Variants in DNAH3 observed in about 807,000 individuals in gnomAD.
The protein encoded by DNAH3 is dynein axonemal heavy chain 3, also known as axonemal beta dynein heavy chain 3.
In DNAH3, 332 loss-of-function variants were observed where a neutral mutation model predicts 432.5. That is an observed-to-expected ratio of 0.77 (90% CI 0.70 to 0.84). DNAH3 has a LOEUF of 0.84. Among genes scored for constraint, DNAH3 ranks in the 40% least tolerant of loss-of-function variants. The pLI is 0.00. For missense variants in DNAH3, 4,861 were observed against 5,114.0 expected (o/e 0.95, Z 1.51); for synonymous variants, 1,956 against 1,900.2 (o/e 1.03, Z -0.76).
chr16:21,055,867 G>A (rs576439652), intron 27 of DNAH3, among the ~76,000 whole-genome samples: 4 of 150,846 alleles, frequency 2.7e-5, no homozygotes, highest in East Asian at 3.9e-4. Context: ...CACCTCAGCC[G>A]CCTGAGTAGC....
chr16:20,963,215 G>T (rs2084901758), intron 53 of DNAH3, 69 bp downstream of exon 53: 2 of 1,446,362 alleles, frequency 1.4e-6, no homozygotes, highest in African/African-American at 1.4e-5. Flanking sequence ...TGCTGTAAGG[G>T]ACGGGCTACT....
intron 16 of DNAH3, 42 bp downstream of exon 16, chr16:21,104,429 G>A (rs1337590054): frequency 6.4e-7 from 1 of 1,560,192 alleles, no homozygotes; most frequent in Non-Finnish European, 8.8e-7. Flanking sequence ...GGGTGAAGAA[G>A]TCAGGTCTCA....
At chr16:20,988,892 G>A (rs912269528) in intron 44 of DNAH3, among the ~76,000 whole-genome samples, 3 of 152,108 alleles carry the variant, frequency 2.0e-5, no homozygotes, top group Admixed American at 6.5e-5. Context: ...GCAGACCTTC[G>A]CGGTGAGTGT....
Position 21,058,017 on chromosome 16 carries a change from A to G in DNAH3, c.3924+69T>C, listed in dbSNP as rs547080591. The G allele has an allele frequency of 2.9e-5, 28 of 957,558 alleles. No homozygotes were observed. In the African/African-American group the frequency reaches 4.5e-4, roughly 15 times the overall value. The allele number at this position is 957,558 out of a possible 1,614,324, so 59.3% of individuals were successfully genotyped here. ...TTAGACAACAAAACATGGCTACTCTAATTATACGTCATTCAAATCCTAATT... is the reference window on the plus strand; with the variant it reads ...TTAGACAACAAAACATGGCTACTCTGATTATACGTCATTCAAATCCTAATT... On this transcript the variant is annotated intron_variant, in intron 27 of 61. Transcript: ENST00000261383.
intron 14 of DNAH3, among the ~76,000 whole-genome samples, chr16:21,109,928 G>C (rs891859404): frequency 6.6e-6 from 1 of 151,858 alleles, no homozygotes; most frequent in African/African-American, 2.4e-5. Flanking sequence ...TATTTTTGTA[G>C]AGATGGTATC....
At chr16:20,955,100 G>A in intron 54 of DNAH3, 43 bp from the exon 55 acceptor site, 1 of 1,516,576 alleles carries the variant, frequency 6.6e-7, no homozygotes, top group Non-Finnish European at 8.8e-7. Flanking sequence ...AATACAATAA[G>A]TTATAGTGAA....
chr16:20,939,618 A>C (rs1057305887), intron 59 of DNAH3, among the ~76,000 whole-genome samples: 1 of 151,828 alleles, frequency 6.6e-6, no homozygotes, highest in Non-Finnish European at 1.5e-5. Flanking sequence ...GTCTCAAAAA[A>C]AAAAAAAAAA....
intron 21 of DNAH3, among the ~76,000 whole-genome samples, chr16:21,071,573 T>A (rs1373454328): frequency 6.6e-6 from 1 of 152,102 alleles, no homozygotes; most frequent in Non-Finnish European, 1.5e-5. Flanking sequence ...GGACTTCTAC[T>A]TTCTTCCTTG....
At chr16:20,992,830 T>G (rs2086613723) in intron 44 of DNAH3, among the ~76,000 whole-genome samples, 1 of 152,216 alleles carries the variant, frequency 6.6e-6, no homozygotes, top group Non-Finnish European at 1.5e-5. Flanking sequence ...AATTTAGGAC[T>G]ATAAAACTTT....
At chr16:20,982,691 C>T (rs1025950064) in intron 49 of DNAH3, 30 bp downstream of exon 49, 1 of 1,590,924 alleles carries the variant, frequency 6.3e-7, no homozygotes, top group Non-Finnish European at 8.6e-7. Flanking sequence ...TTTGGAATAT[C>T]TAGAGTCCTA....
At chr16:21,042,628 A>T (rs2089497292) in intron 31 of DNAH3, among the ~76,000 whole-genome samples, 1 of 151,368 alleles carries the variant, frequency 6.6e-6, no homozygotes, top group African/African-American at 2.4e-5. Context: ...TAAATTTTTT[A>T]TTTCCCTTTA....
At chr16:21,058,328 G>A (rs924201131) in intron 26 of DNAH3, 132 bp from the exon 27 acceptor site, 14 of 520,524 alleles carry the variant, frequency 2.7e-5, no homozygotes, top group Admixed American at 7.1e-5. Context: ...ACGCTACAAG[G>A]CTTGACATCT....
chr16:20,937,831 C>CT (rs1325023920), intron 59 of DNAH3, among the ~76,000 whole-genome samples: 2 of 151,934 alleles, frequency 1.3e-5, no homozygotes, highest in Non-Finnish European at 2.9e-5. Flanking sequence ...GCCAAAGGTC[C>CT]TTTTTTATCG....
At chr16:21,090,885 C>T (rs1460873367) in intron 18 of DNAH3, among the ~76,000 whole-genome samples, 1 of 152,116 alleles carries the variant, frequency 6.6e-6, no homozygotes, top group African/African-American at 2.4e-5. Flanking sequence ...GGTGAGGTGG[C>T]TCATGCCTGT....
chr16:21,082,424 ACTC>A lies in DNAH3; in HGVS notation c.2878-700_2878-698del, dbSNP rs1431050282. On this transcript the variant is annotated intron_variant, in intron 19 of 61. Coordinates refer to ENST00000261383, the Ensembl canonical transcript of DNAH3. ...GCTATGTTTTCCACGCTGGTCTTGAACTCCTATACTCAAGCAATCCTCGCACCT... is the reference window on the plus strand; with the variant it reads ...GCTATGTTTTCCACGCTGGTCTTGAACTATACTCAAGCAATCCTCGCACCT... Among the ~76,000 whole-genome samples, 19 of 151,734 alleles carry A rather than the reference ACTC, an allele frequency of 1.3e-4. No homozygotes were observed. In the East Asian group the frequency reaches 3.3e-3, roughly 26 times the overall value.
At chr16:20,945,669 T>A (rs1168526766) in intron 57 of DNAH3, among the ~76,000 whole-genome samples, 1 of 152,150 alleles carries the variant, frequency 6.6e-6, no homozygotes, top group African/African-American at 2.4e-5. Flanking sequence ...TTTTTGTATT[T>A]TTAGTAGCGA....
At chr16:20,977,590 A>G (rs1305576303) in intron 50 of DNAH3, among the ~76,000 whole-genome samples, 1 of 152,178 alleles carries the variant, frequency 6.6e-6, no homozygotes, top group African/African-American at 2.4e-5. Flanking sequence ...CAAGCACAGC[A>G]GGCTGGCCTA....
chr16:20,999,263 A>G (rs2086903765), intron 43 of DNAH3, among the ~76,000 whole-genome samples: 1 of 152,186 alleles, frequency 6.6e-6, no homozygotes, highest in Non-Finnish European at 1.5e-5. Flanking sequence ...TCTCTCAAAA[A>G]AGTAAGATTT....
intron 18 of DNAH3, among the ~76,000 whole-genome samples, chr16:21,096,031 A>G (rs941590667): frequency 6.6e-6 from 1 of 152,168 alleles, no homozygotes; most frequent in African/African-American, 2.4e-5. Flanking sequence ...TGGCCTCCCA[A>G]AGTGCTGGGA....
Sources: allele counts gnomAD v4.1 joint callset (sites outside exome capture counted in the v4.1 genomes callset), GRCh38; gene constraint gnomAD v4.1.1; transcripts MANE v1.5; gene names NCBI Gene and HGNC (gene_info 2026-07-23, HGNC 2026-07-21).